Variants in TNFSF4 observed in about 807,000 individuals in gnomAD.
TNFSF4 encodes tumor necrosis factor ligand superfamily member 4.
In TNFSF4, 4 loss-of-function variants were observed where a neutral mutation model predicts 7.3. The observed-to-expected ratio is 0.55, with a 90% CI of 0.27 to 1.25. The LOEUF (loss-of-function observed/expected upper bound fraction) is 1.25, where lower values mean the gene tolerates loss of function less well. Ranked by LOEUF, TNFSF4 falls within the 50% of genes most tolerant of loss-of-function variation. The pLI, the probability that TNFSF4 is intolerant of heterozygous loss-of-function variation, is 0.12. For missense variants in TNFSF4, 181 were observed against 208.8 expected, an observed-to-expected ratio of 0.87 and a Z score of 0.82; for synonymous variants, 76 against 83.7, an observed-to-expected ratio of 0.91 and a Z score of 0.50.
At chr1:173,296,480 T>A in the TNFSF4 span, among the ~76,000 whole-genome samples, 1 of 151,956 alleles carries the variant, frequency 6.6e-6, no homozygotes, top group Admixed American at 6.6e-5. Flanking sequence ...GTTTTCATAG[T>A]AATCTAAATC....
chr1:173,406,597 G>T, the TNFSF4 span, among the ~76,000 whole-genome samples: 1 of 152,080 alleles, frequency 6.6e-6, no homozygotes, highest in African/African-American at 2.4e-5. Context: ...CGGATTCATT[G>T]CTATGTTCTT....
the TNFSF4 span, among the ~76,000 whole-genome samples, chr1:173,394,967 CAGAT>C: frequency 6.1e-4 from 86 of 141,518 alleles, no homozygotes; most frequent in East Asian, 2.5e-3. Flanking sequence ...GACAGACAGA[CAGAT>C]AGATAATAGA....
At chr1:173,348,862 T>C in the TNFSF4 span, among the ~76,000 whole-genome samples, 1 of 152,174 alleles carries the variant, frequency 6.6e-6, no homozygotes, top group Non-Finnish European at 1.5e-5. Flanking sequence ...AATAAACCTG[T>C]GTTGTATTAA....
chr1:173,197,859 AAAAG>A (rs1332884863), intron 1 of TNFSF4, among the ~76,000 whole-genome samples: 1 of 152,184 alleles, frequency 6.6e-6, no homozygotes, highest in Non-Finnish European at 1.5e-5. Flanking sequence ...AAAAAAAAAG[AAAAG>A]AAAGTCAATT....
Position 173,186,658 on chromosome 1 carries a change from G to C in TNFSF4, c.410C>G (p.Ser137Cys). 1.2e-6 allele frequency: 2 copies of C among 1,614,194 alleles called. No homozygotes were observed. The highest frequency in any genetic ancestry group is 1.7e-6 in the Non-Finnish European group (2 of 1,180,030). ...FQLKKVRSVN[S>C]LMVASLTYKD... ...GTAAGTCAGAGAGGCCACCATCAAGGAGTTGACAGACCTGACCTTCTTCAG... is the reference window on the plus strand; with the variant it reads ...GTAAGTCAGAGAGGCCACCATCAAGCAGTTGACAGACCTGACCTTCTTCAG... The change falls in exon 3 of 3, where the codon TCC (serine) becomes TGC (cysteine). Residue 137 changes from serine (S) to cysteine (C), a missense_variant. Physicochemically the swap from Ser to Cys is moderately radical, Grantham distance 112 (BLOSUM62 -1). Transcript: ENST00000281834.
the TNFSF4 span, among the ~76,000 whole-genome samples, chr1:173,283,647 A>G: frequency 6.6e-6 from 1 of 152,208 alleles, no homozygotes; most frequent in Admixed American, 6.6e-5. Context: ...TAGTCACCAC[A>G]AACAAACCTT....
the TNFSF4 span, among the ~76,000 whole-genome samples, chr1:173,288,096 A>G: frequency 6.6e-6 from 1 of 152,258 alleles, no homozygotes; most frequent in African/African-American, 2.4e-5. Context: ...TTATAGAACT[A>G]TAAAGAGAAG....
chr1:173,398,409 CTTTTTTTTT>C, the TNFSF4 span, among the ~76,000 whole-genome samples: 1 of 101,538 alleles, frequency 9.8e-6, no homozygotes, highest in East Asian at 2.8e-4. Flanking sequence ...TATTTCTTTT[CTTTTTTTTT>C]TTTTTTTTTT....
the TNFSF4 span, among the ~76,000 whole-genome samples, chr1:173,447,495 G>A: frequency 6.6e-6 from 1 of 152,142 alleles, no homozygotes; most frequent in Non-Finnish European, 1.5e-5. Context: ...GGGGTAGAGG[G>A]CATATGGGAA....
At chr1:173,263,801 T>C in the TNFSF4 span, among the ~76,000 whole-genome samples, 2 of 152,140 alleles carry the variant, frequency 1.3e-5, no homozygotes, top group African/African-American at 4.8e-5. Flanking sequence ...AGGAGAGCCA[T>C]AGCCTTGGGA....
At chr1:173,220,755 C>G in the TNFSF4 span, among the ~76,000 whole-genome samples, 1 of 152,090 alleles carries the variant, frequency 6.6e-6, no homozygotes, top group Non-Finnish European at 1.5e-5. Flanking sequence ...CTTCTGGCAC[C>G]TTGATATTGA....
chr1:173,262,891 C>G, the TNFSF4 span, among the ~76,000 whole-genome samples: 1 of 152,170 alleles, frequency 6.6e-6, no homozygotes, highest in East Asian at 1.9e-4. Context: ...TGAGCCACCA[C>G]GCCCAGCCCC....
the TNFSF4 span, among the ~76,000 whole-genome samples, chr1:173,349,556 C>G: frequency 2.0e-5 from 3 of 152,142 alleles, no homozygotes; most frequent in African/African-American, 7.2e-5. Flanking sequence ...GACAAAGTGG[C>G]CTTCACTGAT....
the TNFSF4 span, among the ~76,000 whole-genome samples, chr1:173,287,075 T>C: frequency 6.6e-6 from 1 of 152,144 alleles, no homozygotes; most frequent in East Asian, 1.9e-4. Context: ...ACCAACACTT[T>C]GGGAGGTGGA....
the TNFSF4 span, among the ~76,000 whole-genome samples, chr1:173,248,479 G>A: frequency 1.4e-5 from 2 of 142,830 alleles, no homozygotes; most frequent in Admixed American, 7.1e-5. Context: ...AAAGAAAGAA[G>A]GAAGGAAGGA....
chr1:173,207,102 C>A lies in TNFSF4; in HGVS notation c.75G>T (p.Leu25Phe). The A allele has an allele frequency of 1.9e-6, 3 of 1,613,842 alleles. No homozygotes were observed. Among genetic ancestry groups the A allele is most frequent in the Non-Finnish European group, 2.5e-6 (3 of 1,179,886 alleles). ...ARPRFERNKL[L>F]LVASVIQGLG... ...GTCCCTGAATTACAGAGGCCACCAGCAATAGCTTGTTCCTCTCGAATCTTG... is the reference window on the plus strand; with the variant it reads ...GTCCCTGAATTACAGAGGCCACCAGAAATAGCTTGTTCCTCTCGAATCTTG... Residue 25 changes from leucine to phenylalanine, a missense_variant, in exon 1 of 3, where the codon TTG (leucine) becomes TTT (phenylalanine). By Grantham distance (22) the Leu-to-Phe change is conservative. Coordinates refer to ENST00000281834, the MANE Select transcript of TNFSF4 (RefSeq NM_003326.5).
At chr1:173,177,753 G>A in the TNFSF4 span, among the ~76,000 whole-genome samples, 1 of 152,020 alleles carries the variant, frequency 6.6e-6, no homozygotes, top group Non-Finnish European at 1.5e-5. Flanking sequence ...GTTAAGTAGA[G>A]AAACTTGTTA....
At chr1:173,180,470 T>C (rs1423314096), downstream of TNFSF4, among the ~76,000 whole-genome samples, 2 of 152,214 alleles carry the variant, frequency 1.3e-5, no homozygotes, top group African/African-American at 4.8e-5. Context: ...TAATGTATTA[T>C]AAAATCTACT....
the TNFSF4 span, among the ~76,000 whole-genome samples, chr1:173,425,331 T>C: frequency 6.6e-6 from 1 of 152,156 alleles, no homozygotes; most frequent in Admixed American, 6.5e-5. Context: ...AAACAAGCTA[T>C]GGAGACTGGC....
Sources: gnomAD v4.1 joint callset for allele counts (sites outside exome capture counted in the v4.1 genomes callset) on GRCh38, gnomAD v4.1.1 for gene constraint, MANE v1.5 for transcripts, NCBI Gene and HGNC (gene_info 2026-07-23, HGNC 2026-07-21) for gene names.